Variants in SYCP2 observed in about 807,000 individuals in gnomAD.
SYCP2 encodes the protein synaptonemal complex lateral element protein.
In SYCP2, 55 loss-of-function variants were observed where a neutral mutation model predicts 211.3. The ratio of observed to expected loss-of-function variants is 0.26; its 90% CI spans 0.21 to 0.33. The LOEUF (loss-of-function observed/expected upper bound fraction) is 0.33, where lower values mean the gene tolerates loss of function less well. SYCP2 is among the 10% of genes least tolerant of loss of function. The probability of loss-of-function intolerance (pLI) is 1.00; values close to 1 mark genes in which losing one functional copy is unlikely to be tolerated. For synonymous variants in SYCP2, 570 were observed against 555.2 expected (o/e 1.03, Z -0.37); for missense variants, 1,731 against 1,752.0 (o/e 0.99, Z 0.21).
rs1568945445 is a variant in SYCP2, at chr20:59,895,611, C to T, written c.1505-14G>A. Reference sequence around the variant, plus strand: ...GTGGTGGTATTGCTAAAAAGGAGGACAAGGATTGCAGATTTTTCTTTTTTT... The same window carrying T: ...GTGGTGGTATTGCTAAAAAGGAGGATAAGGATTGCAGATTTTTCTTTTTTT... On this transcript the variant is annotated splice_polypyrimidine_tract_variant and intron_variant, in intron 19 of 44. Transcript: ENST00000357552. 1.2e-6 allele frequency: 2 copies of T among 1,607,104 alleles called. No individual in the cohort carries two copies. The highest frequency in any genetic ancestry group is 1.3e-5 in the African/African-American group (1 of 74,652).
intron 35 of SYCP2, among the ~76,000 whole-genome samples, chr20:59,872,289 T>G (rs1451606075): frequency 6.6e-6 from 1 of 151,964 alleles, no homozygotes; most frequent in Non-Finnish European, 1.5e-5. Flanking sequence ...TCTCTGGCCA[T>G]CGGGTTGTCC....
At chr20:59,926,080 C>CAGATT in intron 2 of SYCP2, among the ~76,000 whole-genome samples, 1 of 151,954 alleles carries the variant, frequency 6.6e-6, no homozygotes, top group Non-Finnish European at 1.5e-5. Context: ...CAGTCTCCAG[C>CAGATT]CAAAACAAAT....
At chr20:59,872,938 A>T (rs2059482710) in intron 35 of SYCP2, among the ~76,000 whole-genome samples, 1 of 152,134 alleles carries the variant, frequency 6.6e-6, no homozygotes, top group Non-Finnish European at 1.5e-5. Context: ...TTAGGTGTTT[A>T]TAAGGAAGTT....
At chr20:59,889,530 G>A (rs1224104146) in intron 24 of SYCP2, among the ~76,000 whole-genome samples, 4 of 151,742 alleles carry the variant, frequency 2.6e-5, no homozygotes, top group Non-Finnish European at 5.9e-5. Context: ...TGGTTATCAG[G>A]CATATATAGG....
In SYCP2 at chr20:59,873,935, A is replaced by T; in HGVS notation, c.3476T>A (p.Ile1159Lys). 6.2e-7 allele frequency: 1 copy of T among 1,613,218 alleles called. No homozygotes were observed. The highest frequency in any genetic ancestry group is 2.2e-5 in the East Asian group (1 of 44,810). ...TTTCTCATTGTTTTTGGGTGACTTT[A>T]TTGTACCTCCAACTCCACTGTTACT... ...LNSNSGVGGT[I>K]KSPKNNEKNF... The change falls in exon 35 of 45, where the codon ATA (isoleucine) becomes AAA (lysine). Residue 1159 changes from isoleucine to lysine, a missense_variant. Physicochemically the swap from Ile to Lys is moderately radical, Grantham distance 102. Coordinates refer to ENST00000357552, the MANE Select transcript of SYCP2 (RefSeq NM_014258.4).
chr20:59,890,172 G>A (rs1014414825), intron 24 of SYCP2, among the ~76,000 whole-genome samples: 56 of 152,058 alleles, frequency 3.7e-4, no homozygotes, highest in African/African-American at 1.2e-3. Context: ...ATGATAGACT[G>A]GATAAAGAAA....
Position 59,892,006 on chromosome 20 carries a change from G to A in SYCP2, c.2348C>T (p.Ser783Leu), listed in dbSNP as rs370668219. ...ELTSELNSWD[S>L]KQKKMREKSK... ...AAAGCTCACCATTTTTTTTTGTTTC[G>A]AATCCCAGGAATTAAGCTCAGAAGT... Residue 783 changes from serine (S) to leucine (L), a missense_variant, in exon 24 of 45, where the codon TCG becomes TTG. By Grantham distance (145) the Ser-to-Leu change is moderately radical. Coordinates refer to ENST00000357552, the MANE Select transcript of SYCP2 (RefSeq NM_014258.4). 18 of 1,573,248 alleles carry A rather than the reference G, an allele frequency of 1.1e-5. No individual in the cohort carries two copies. Among genetic ancestry groups the A allele is most frequent in the African/African-American group, 2.8e-5 (2 of 71,966 alleles).
At chr20:59,897,176 G>A (rs2060025594) in intron 18 of SYCP2, among the ~76,000 whole-genome samples, 1 of 152,096 alleles carries the variant, frequency 6.6e-6, no homozygotes, top group East Asian at 1.9e-4. Flanking sequence ...GAAGTAGATG[G>A]TGACATACTG....
chr20:59,924,236 C>A (rs1482858563), intron 2 of SYCP2, among the ~76,000 whole-genome samples: 1 of 152,016 alleles, frequency 6.6e-6, no homozygotes, highest in Non-Finnish European at 1.5e-5. Flanking sequence ...CAATTAACTA[C>A]CCTAGCCTAA....
At chr20:59,912,545 A>G (rs140617314) in intron 12 of SYCP2, 127 bp from the exon 13 acceptor site, 37 of 434,572 alleles carry the variant, frequency 8.5e-5, no homozygotes, top group African/African-American at 7.5e-4. Flanking sequence ...AAATAAAATC[A>G]TATTTCCCTC....
intron 35 of SYCP2, among the ~76,000 whole-genome samples, chr20:59,870,682 AG>A (rs757697422): frequency 6.6e-5 from 10 of 151,850 alleles, no homozygotes; most frequent in Admixed American, 6.6e-5. Flanking sequence ...AGGAATTCTG[AG>A]GAATGGTGGG....
intron 10 of SYCP2, among the ~76,000 whole-genome samples, chr20:59,914,907 A>T (rs1008921892): frequency 6.6e-6 from 1 of 151,984 alleles, no homozygotes; most frequent in African/African-American, 2.4e-5. Flanking sequence ...TATTAAATTA[A>T]GCTATTAATT....
rs779757620 is a variant in SYCP2 at position 59,869,832 on chromosome 20, T to C, written c.3707A>G (p.His1236Arg). The C allele has an allele frequency of 6.8e-6, 11 of 1,606,216 alleles. No individual in the cohort carries two copies. The South Asian group carries it at 9.9e-5, about 14-fold the overall frequency. The change falls in exon 36 of 45, where the codon CAT becomes CGT. Residue 1236 changes from histidine to arginine, a missense_variant. Transcript: ENST00000357552. ...EERFMEIESPHINENYIQSKR... is the reference protein window; with the variant it reads ...EERFMEIESPRINENYIQSKR... ...GCTTTGTATATAATTTTCATTGATA[T>C]GTGGAGATTCAATTTCCATAAACCG... is the stretch of plus-strand genomic sequence containing the variant.
intron 7 of SYCP2, among the ~76,000 whole-genome samples, chr20:59,917,627 A>C (rs1421739340): frequency 6.6e-6 from 1 of 152,176 alleles, no homozygotes; most frequent in Non-Finnish European, 1.5e-5. Context: ...TTATTATTTA[A>C]ATCAATGGCA....
At chr20:59,872,835 C>A (rs1052293932) in intron 35 of SYCP2, among the ~76,000 whole-genome samples, 13 of 152,016 alleles carry the variant, frequency 8.6e-5, no homozygotes, top group African/African-American at 3.1e-4. Context: ...AATTTAAAGT[C>A]TATGGCCTTT....
chr20:59,878,088 G>A, intron 31 of SYCP2, 43 bp from the exon 32 acceptor site: 1 of 1,269,902 alleles, frequency 7.9e-7, no homozygotes, highest in Non-Finnish European at 1.1e-6. Context: ...CAGTAAATAA[G>A]AATAGGCATT....
intron 26 of SYCP2, among the ~76,000 whole-genome samples, chr20:59,882,743 T>C (rs547323526): frequency 3.7e-4 from 56 of 151,882 alleles, no homozygotes; most frequent in Non-Finnish European, 6.6e-4. Flanking sequence ...CTTATGGAGA[T>C]AGAGCGTAGA....
At chr20:59,928,584 A>T (rs1212394700) in intron 2 of SYCP2, among the ~76,000 whole-genome samples, 1 of 152,192 alleles carries the variant, frequency 6.6e-6, no homozygotes, top group African/African-American at 2.4e-5. Context: ...TTACAAAGTC[A>T]CAAGAAATAA....
chr20:59,920,355 T>G lies in SYCP2; in HGVS notation c.297+4A>C. ...CATGAATATGTTACATATTCTATAC[T>G]TATCTTTTGTATTAGTCCTTGTTTT... On this transcript the variant is annotated splice_donor_region_variant and intron_variant, in intron 5 of 44. Transcript: ENST00000357552. 1 of 1,598,914 alleles carries G rather than the reference T, an allele frequency of 6.3e-7. No individual in the cohort carries two copies. Among genetic ancestry groups the G allele is most frequent in the Admixed American group, 1.7e-5 (1 of 59,340 alleles).
Sources: allele counts gnomAD v4.1 joint callset (sites outside exome capture counted in the v4.1 genomes callset), GRCh38; gene constraint gnomAD v4.1.1; transcripts MANE v1.5; gene names NCBI Gene and HGNC (gene_info 2026-07-23, HGNC 2026-07-21).